PCDHGB1: variants seen among roughly 807,000 people sequenced by gnomAD.
PCDHGB1 encodes protocadherin gamma subfamily B, 1.
Under a neutral mutation model 56.6 loss-of-function variants are expected in PCDHGB1, and 34 were observed. That is an observed-to-expected ratio of 0.60 (90% CI 0.46 to 0.80). The LOEUF is 0.80. Among genes scored for constraint, PCDHGB1 ranks in the 30% least tolerant of loss-of-function variants. PCDHGB1 has a pLI of 0.00. For synonymous variants in PCDHGB1, 561 were observed against 505.9 expected (o/e 1.11, Z -1.46); for missense variants, 1,278 against 1,204.6 (o/e 1.06, Z -0.90).
At chr5:141,444,880 G>C (rs527554886) in intron 1 of PCDHGB1, among the ~76,000 whole-genome samples, 5 of 152,268 alleles carry the variant, frequency 3.3e-5, no homozygotes, top group Admixed American at 1.3e-4. Flanking sequence ...AAGCTTGTAG[G>C]ATTTTTGAAT....
intron 1 of PCDHGB1, among the ~76,000 whole-genome samples, chr5:141,429,326 T>A (rs571458414): frequency 6.6e-6 from 1 of 152,230 alleles, no homozygotes; most frequent in East Asian, 1.9e-4. Context: ...TTTTCTTTAA[T>A]CCATTAACTA....
In PCDHGB1 at chr5:141,393,531, C is replaced by T. The variant is rs997965420; in HGVS notation, c.2409+40862C>T. On this transcript the variant is annotated intron_variant, in intron 1 of 3. Transcript: ENST00000523390. ...AGTGTTGGATACAAATGACAATGCC[C>T]CGGTTTTTCCTCACCCGATTTACCG... 4 of 1,613,890 alleles carry T rather than the reference C, an allele frequency of 2.5e-6. No individual in the cohort carries two copies. Among genetic ancestry groups the T allele is most frequent in the African/African-American group, 2.7e-5 (2 of 74,946 alleles).
chr5:141,432,281 A>C lies in PCDHGB1; in HGVS notation c.2410-62526A>C, dbSNP rs1313887209. 1 of 1,614,188 alleles carries C rather than the reference A, an allele frequency of 6.2e-7. No individual in the cohort carries two copies. The highest frequency in any genetic ancestry group is 1.1e-5 in the South Asian group (1 of 91,084). On this transcript the variant is annotated intron_variant, in intron 1 of 3. Coordinates refer to ENST00000523390, the MANE Select transcript of PCDHGB1 (RefSeq NM_018922.3). The surrounding 1 kb of genome is among the most constrained non-coding windows in gnomAD (Gnocchi z 6.0). The stretch of plus-strand genomic sequence containing the variant: ...AAGCCTATCGTCCTACGTGTCCATC[A>C]ACTCCGACACTGGGGTACTGTATGC...
chr5:141,476,661 T>G lies in PCDHGB1; in HGVS notation c.2410-18146T>G. 1.2e-6 allele frequency: 2 copies of G among 1,614,076 alleles called. No individual in the cohort carries two copies. The highest frequency in any genetic ancestry group is 1.7e-6 in the Non-Finnish European group (2 of 1,179,938). On this transcript the variant is annotated intron_variant, in intron 1 of 3. Coordinates refer to ENST00000523390, the MANE Select transcript of PCDHGB1 (RefSeq NM_018922.3). The surrounding 1 kb of genome is among the most constrained non-coding windows in gnomAD (Gnocchi z 7.6). Reference sequence around the variant, plus strand: ...CTGAGCCGAAATGAATACTTTGCGCTTCGCGTGCAGACGCGGGAGGACAGC... The same window carrying G: ...CTGAGCCGAAATGAATACTTTGCGCGTCGCGTGCAGACGCGGGAGGACAGC...
chr5:141,477,890 C>A lies in PCDHGB1; in HGVS notation c.2410-16917C>A, dbSNP rs202114426. On this transcript the variant is annotated intron_variant, in intron 1 of 3. Transcript: ENST00000523390. This position sits in a 1 kb window ranked among gnomAD's most constrained non-coding sequence, Gnocchi z 4.9. ...TACCTCAGCTGGCCACCTAGTGTCA[C>A]GGGTGGTAGGCTGGGACGCGGATGC... is the stretch of plus-strand genomic sequence containing the variant. 3.1e-6 allele frequency: 5 copies of A among 1,614,204 alleles called. 1 individual carries two copies. In the Admixed American group the frequency reaches 8.3e-5, roughly 27 times the overall value.
chr5:141,433,408 A>ATCTATCT (rs1413347413), intron 1 of PCDHGB1, among the ~76,000 whole-genome samples: 44 of 127,346 alleles, frequency 3.5e-4, no homozygotes, highest in African/African-American at 1.2e-3. Context: ...TCTATCTATT[A>ATCTATCT]CTTTCTTGTA....
In PCDHGB1 at chr5:141,477,031, A is replaced by C; in HGVS notation, c.2410-17776A>C. Reference sequence around the variant, plus strand: ...TAGACCTTGTAACCGGGATGCTGACAATCAAGGGTCGGCTGGACTTCGAGG... The same window carrying C: ...TAGACCTTGTAACCGGGATGCTGACCATCAAGGGTCGGCTGGACTTCGAGG... On this transcript the variant is annotated intron_variant, in intron 1 of 3. Coordinates refer to ENST00000523390, the MANE Select transcript of PCDHGB1 (RefSeq NM_018922.3). This position sits in a 1 kb window ranked among gnomAD's most constrained non-coding sequence, Gnocchi z 4.9. The C allele has an allele frequency of 6.2e-7, 1 of 1,614,248 alleles. No individual in the cohort carries two copies. Among genetic ancestry groups the C allele is most frequent in the Non-Finnish European group, 8.5e-7 (1 of 1,180,040 alleles).
At position 141,511,247 on chromosome 5, in the gene PCDHGB1, C is replaced by A; in HGVS notation, c.*74C>A. The A allele has an allele frequency of 1.3e-6, 2 of 1,577,162 alleles. No individual in the cohort carries two copies. The highest frequency in any genetic ancestry group is 1.7e-6 in the Non-Finnish European group (2 of 1,161,712). On this transcript the variant is annotated 3_prime_UTR_variant, in exon 4 of 4. Transcript: ENST00000523390. Reference sequence around the variant, plus strand: ...CAGCTTCTCCTTACCTGCACCCAGGCCTCAGAGTTTCAGGGCTAACCCCCA... The same window carrying A: ...CAGCTTCTCCTTACCTGCACCCAGGACTCAGAGTTTCAGGGCTAACCCCCA...
intron 1 of PCDHGB1, chr5:141,384,966 C>A: frequency 6.2e-7 from 1 of 1,614,142 alleles, no homozygotes; most frequent in South Asian, 1.1e-5. Flanking sequence ...ACTATGACCT[C>A]ACGTTGTACC....
intron 1 of PCDHGB1, among the ~76,000 whole-genome samples, chr5:141,481,039 C>T (rs748434260): frequency 4.6e-5 from 7 of 152,048 alleles, no homozygotes; most frequent in Non-Finnish European, 8.8e-5. Flanking sequence ...GCCTGGGCGA[C>T]AGAGCGAGAC....
chr5:141,402,197 A>G (rs1346156119), intron 1 of PCDHGB1, among the ~76,000 whole-genome samples: 5 of 152,132 alleles, frequency 3.3e-5, no homozygotes, highest in Non-Finnish European at 5.9e-5. Context: ...TATTACTTTT[A>G]TAATACAAAA....
chr5:141,433,232 C>T (rs1344380820), intron 1 of PCDHGB1: 1 of 1,516,488 alleles, frequency 6.6e-7, no homozygotes, highest in Admixed American at 1.9e-5. Flanking sequence ...ATTGCTCTGT[C>T]TCCCAAGCTG....
At chr5:141,450,225 C>A (rs1294362576) in intron 1 of PCDHGB1, among the ~76,000 whole-genome samples, 1 of 151,976 alleles carries the variant, frequency 6.6e-6, no homozygotes, top group Non-Finnish European at 1.5e-5. Flanking sequence ...ACTATGTTGG[C>A]CAGGCTAGTC....
chr5:141,363,667 A>G (rs1260972541), intron 1 of PCDHGB1, among the ~76,000 whole-genome samples: 1 of 152,262 alleles, frequency 6.6e-6, no homozygotes, highest in Non-Finnish European at 1.5e-5. Flanking sequence ...TTTCTTCTGC[A>G]TATGACAGCT....
At chr5:141,374,626 C>A (rs748933501) in intron 1 of PCDHGB1, 10 of 1,613,108 alleles carry the variant, frequency 6.2e-6, no homozygotes, top group Non-Finnish European at 7.6e-6. Context: ...TCTCAGTGGA[C>A]GTGCAAAGCG....
rs544565104 is a variant in PCDHGB1, at chr5:141,489,014, G to A, written c.2410-5793G>A. 2.5e-5 allele frequency: 11 copies of A among 433,976 alleles called. No individual in the cohort carries two copies. The highest frequency in any genetic ancestry group is 1.6e-4 in the Admixed American group (4 of 25,754). The allele number at this position is 433,976 out of a possible 1,614,324, so 26.9% of individuals were successfully genotyped here. On this transcript the variant is annotated intron_variant, in intron 1 of 3. Coordinates refer to ENST00000523390, the MANE Select transcript of PCDHGB1 (RefSeq NM_018922.3). This position sits in a 1 kb window ranked among gnomAD's most constrained non-coding sequence, Gnocchi z 4.5. ...GGTGGGAGATCTGCTCTTCCAGCCC[G>A]CCTCTCCTCCTCCAGCTCCCCAGCT... is the stretch of plus-strand genomic sequence containing the variant.
chr5:141,451,606 G>A (rs2098720118), intron 1 of PCDHGB1, among the ~76,000 whole-genome samples: 1 of 152,152 alleles, frequency 6.6e-6, no homozygotes, highest in Admixed American at 6.5e-5. Flanking sequence ...ACAAGGCTAG[G>A]CATGGTGGCT....
rs1188870363 is a variant in PCDHGB1 at position 141,490,058 on chromosome 5, C to T, written c.2410-4749C>T. ...AATGCCACTGATCCAGACGAGGGCA[C>T]CAACGGCCAACTAGACTATTCTTTT... On this transcript the variant is annotated intron_variant, in intron 1 of 3. Coordinates refer to ENST00000523390, the MANE Select transcript of PCDHGB1 (RefSeq NM_018922.3). The surrounding 1 kb of genome is among the most constrained non-coding windows in gnomAD (Gnocchi z 5.4). The T allele has an allele frequency of 6.2e-7, 1 of 1,614,230 alleles. No individual in the cohort carries two copies. Among genetic ancestry groups the T allele is most frequent in the South Asian group, 1.1e-5 (1 of 91,084 alleles).
intron 1 of PCDHGB1, chr5:141,393,205 C>A: frequency 6.2e-7 from 1 of 1,613,504 alleles, no homozygotes; most frequent in Non-Finnish European, 8.5e-7. Flanking sequence ...GATAATAACC[C>A]AAAATTCCAG....
Sources: allele counts gnomAD v4.1 joint callset (sites outside exome capture counted in the v4.1 genomes callset), GRCh38; gene constraint gnomAD v4.1.1; non-coding constraint Gnocchi (gnomAD v3.1); transcripts MANE v1.5; gene names NCBI Gene and HGNC (gene_info 2026-07-23, HGNC 2026-07-21).